The following MASTL variants were observed in gnomAD, a reference collection of about 807,000 sequenced individuals.
MASTL encodes the protein microtubule associated serine/threonine kinase like.
A neutral mutation model predicts 82.5 loss-of-function variants in MASTL; 54 were observed. The observed-to-expected ratio is 0.65, with a 90% CI of 0.53 to 0.82. MASTL has a LOEUF of 0.82. Ranked by LOEUF, MASTL falls within the 40% of genes least tolerant of loss-of-function variation. MASTL has a pLI of 0.00. For synonymous variants in MASTL, 323 were observed against 368.9 expected (o/e 0.88, Z 1.43); for missense variants, 950 against 1,047.8 (o/e 0.91, Z 1.29).
chr10:27,181,226 A>C (rs904682611), intron 10 of MASTL, among the ~76,000 whole-genome samples, 160 bp downstream of exon 10: 1 of 152,126 alleles, frequency 6.6e-6, no homozygotes, highest in African/African-American at 2.4e-5. Context: ...CTCTACTAAA[A>C]AAAAAATACA....
At chr10:27,165,673 C>T (rs907448447) in intron 6 of MASTL, 134 bp downstream of exon 6, 52 of 1,041,508 alleles carry the variant, frequency 5.0e-5, no homozygotes, top group East Asian at 2.9e-4. Flanking sequence ...AGTGCAATGG[C>T]GCGATCTCGG....
intron 3 of MASTL, among the ~76,000 whole-genome samples, chr10:27,160,763 G>GAAAAAAAA (rs1564483100): frequency 2.8e-4 from 39 of 140,006 alleles, no homozygotes; most frequent in South Asian, 8.8e-4. Flanking sequence ...AAAAAAAAAA[G>GAAAAAAAA]AAAAGAAAAA....
intron 9 of MASTL, 47 bp downstream of exon 9, chr10:27,173,306 A>G (rs375118188): frequency 5.8e-5 from 93 of 1,611,256 alleles, no homozygotes; most frequent in South Asian, 7.7e-5. Flanking sequence ...CTATCACTAC[A>G]TTATCTTTCA....
At chr10:27,175,587 C>A (rs982610423) in intron 9 of MASTL, among the ~76,000 whole-genome samples, 1 of 151,978 alleles carries the variant, frequency 6.6e-6, no homozygotes, top group African/African-American at 2.4e-5. Context: ...CCTTCCTTAC[C>A]TCTTCTAAAT....
chr10:27,170,741 C>T lies in MASTL; in HGVS notation c.1782C>T (p.Ile594=), dbSNP rs1981296. 1,003,739 of 1,613,170 alleles carry T rather than the reference C, an allele frequency of 0.62. 315,882 individuals carry two copies. Among genetic ancestry groups the T allele is most frequent in the Non-Finnish European group, 0.65 (764,215 of 1,179,486 alleles). Residue 594 remains isoleucine, a synonymous_variant, in exon 8 of 12, where the codon ATC becomes ATT. Coordinates refer to ENST00000375940, the MANE Select transcript of MASTL (RefSeq NM_001172303.3). ...AGCCCTTAGATTCAGATAGAAGCAT[C>T]AAAGAATCCTCTTTTGAAGAATCAA... The part of the protein sequence containing the change: ...ESQPLDSDRS[I]KESSFEESNI...
In MASTL at chr10:27,187,402, C is replaced by T. The variant is rs186037581; in HGVS notation, c.*866C>T. Among the ~76,000 whole-genome samples the T allele has an allele frequency of 4.1e-3, 619 of 152,298 alleles. 5 individuals carry two copies. The highest frequency in any genetic ancestry group is 0.014 in the African/African-American group (595 of 41,562). ...GCTTTCACTTACTTTACTAATGATA[C>T]GGTTTTGCCACCTTAATTTCTATTG... is the stretch of plus-strand genomic sequence containing the variant. On this transcript the variant is annotated 3_prime_UTR_variant, in exon 12 of 12. Coordinates refer to ENST00000375940, the MANE Select transcript of MASTL (RefSeq NM_001172303.3).
At chr10:27,156,156 C>G (rs1355435810) in intron 1 of MASTL, among the ~76,000 whole-genome samples, 3 of 152,190 alleles carry the variant, frequency 2.0e-5, no homozygotes, top group African/African-American at 7.2e-5. Context: ...AAGCGCCCGT[C>G]ACCACGCCCG....
At chr10:27,174,414 T>G (rs1053668229) in intron 9 of MASTL, among the ~76,000 whole-genome samples, 1 of 152,090 alleles carries the variant, frequency 6.6e-6, no homozygotes, top group African/African-American at 2.4e-5. Flanking sequence ...TTTCTTCCCT[T>G]TCTCTCTGAA....
rs1192706631 is a variant in MASTL at position 27,155,486 on chromosome 10, C to T, written c.60C>T (p.Gly20=). The T allele has an allele frequency of 1.9e-6, 3 of 1,613,986 alleles. No homozygotes were observed. The highest frequency in any genetic ancestry group is 2.7e-5 in the African/African-American group (2 of 75,046). ...EPGGGAATEE[G]VNRIAVPKPP... Reference sequence around the variant, plus strand: ...GAGGAGGCGCGGCGACTGAGGAGGGCGTGAATAGGATCGCAGTGCCAAAAC... The same window carrying T: ...GAGGAGGCGCGGCGACTGAGGAGGGTGTGAATAGGATCGCAGTGCCAAAAC... The change falls in exon 1 of 12, where the codon GGC becomes GGT. Residue 20 remains glycine, a synonymous_variant. Transcript: ENST00000375940.
chr10:27,167,334 T>TATGGAA, intron 7 of MASTL, 60 bp downstream of exon 7: 1 of 1,369,752 alleles, frequency 7.3e-7, no homozygotes, highest in Non-Finnish European at 1.0e-6. Flanking sequence ...ATGTGAGAAA[T>TATGGAA]ATTATACCTT....
At chr10:27,168,765 G>A (rs1416254084) in intron 7 of MASTL, among the ~76,000 whole-genome samples, 1 of 151,918 alleles carries the variant, frequency 6.6e-6, no homozygotes, top group Non-Finnish European at 1.5e-5. Context: ...TGCAGTGAGC[G>A]GACATCATGC....
chr10:27,176,168 C>T (rs2058096624), intron 9 of MASTL, among the ~76,000 whole-genome samples: 1 of 151,970 alleles, frequency 6.6e-6, no homozygotes, highest in Non-Finnish European at 1.5e-5. Context: ...ACCTCAGTTT[C>T]ATCACCTTCA....
Position 27,181,187 on chromosome 10 carries a change from C to A in MASTL, c.2380+121C>A. ...ATCGCCTGAGGTCAGGAGTTCGAGA[C>A]CAGCCTGGCCAACATGGTAAAACCC... On this transcript the variant is annotated intron_variant, in intron 10 of 11. Transcript: ENST00000375940. 4.1e-6 allele frequency: 3 copies of A among 729,932 alleles called. No individual in the cohort carries two copies. In the South Asian group the frequency reaches 4.3e-5, roughly 11 times the overall value. 45.2% of individuals were successfully genotyped at this position (729,932 alleles called of 1,614,324 possible).
intron 7 of MASTL, among the ~76,000 whole-genome samples, chr10:27,169,340 A>G (rs1310980596): frequency 6.6e-6 from 1 of 152,090 alleles, no homozygotes; most frequent in Non-Finnish European, 1.5e-5. Context: ...AGGCAGGTGG[A>G]TCACCTGAGG....
chr10:27,177,291 A>G (rs12774853), intron 9 of MASTL, among the ~76,000 whole-genome samples: 6,551 of 152,292 alleles, frequency 0.043, 160 homozygotes, highest in Non-Finnish European at 0.062. Flanking sequence ...GTAAATTCCT[A>G]TGAGCACTGA....
chr10:27,184,971 C>T (rs2058583583), intron 11 of MASTL, among the ~76,000 whole-genome samples: 2 of 152,034 alleles, frequency 1.3e-5, no homozygotes, highest in African/African-American at 2.4e-5. Flanking sequence ...CAGAGCAGCT[C>T]AGTGATATAG....
intron 11 of MASTL, among the ~76,000 whole-genome samples, chr10:27,184,450 A>C (rs897308857): frequency 6.6e-6 from 1 of 151,968 alleles, no homozygotes; most frequent in Non-Finnish European, 1.5e-5. Flanking sequence ...TTGGATTTGG[A>C]CATACTGAGT....
chr10:27,185,497 G>A (rs532965742), intron 11 of MASTL, among the ~76,000 whole-genome samples: 1 of 151,728 alleles, frequency 6.6e-6, no homozygotes, highest in African/African-American at 2.4e-5. Context: ...GCCAGGCTTG[G>A]TGGTACACAT....
At chr10:27,184,529 A>G (rs2058529922) in intron 11 of MASTL, among the ~76,000 whole-genome samples, 1 of 151,856 alleles carries the variant, frequency 6.6e-6, no homozygotes, top group African/African-American at 2.4e-5. Context: ...TGCCATTATA[A>G]AAAACACTAT....
Sources: gnomAD v4.1 joint callset for allele counts (sites outside exome capture counted in the v4.1 genomes callset) on GRCh38, gnomAD v4.1.1 for gene constraint, MANE v1.5 for transcripts, NCBI Gene and HGNC (gene_info 2026-07-23, HGNC 2026-07-21) for gene names.